Variants in MAGI1 observed in about 807,000 individuals in gnomAD.
MAGI1 encodes membrane associated guanylate kinase, WW and PDZ domain containing 1.
Under a neutral mutation model 139.9 loss-of-function variants are expected in MAGI1, and 58 were observed. That is an observed-to-expected ratio of 0.41 (90% confidence interval 0.34 to 0.52). The LOEUF is 0.52. Among genes scored for constraint, MAGI1 ranks in the 20% least tolerant of loss-of-function variants. MAGI1 has a pLI of 0.12. For synonymous variants in MAGI1, 812 were observed against 737.9 expected (o/e 1.10, Z -1.63); for missense variants, 1,874 against 1,901.6 (o/e 0.99, Z 0.27).
chr3:65,815,121 T>G (rs965341558), intron 1 of MAGI1, among the ~76,000 whole-genome samples: 2 of 152,138 alleles, frequency 1.3e-5, no homozygotes, highest in African/African-American at 4.8e-5. Flanking sequence ...TCGTATCTGC[T>G]CTCTCCCTGC....
intron 1 of MAGI1, among the ~76,000 whole-genome samples, chr3:65,979,096 C>CG (rs1553742308): frequency 3.3e-5 from 2 of 60,462 alleles, no homozygotes; most frequent in African/African-American, 4.4e-5. Context: ...CTTCCCCCCC[C>CG]CCGCCACCCC....
chr3:65,729,347 C>G (rs916261391), intron 1 of MAGI1, among the ~76,000 whole-genome samples: 3 of 152,148 alleles, frequency 2.0e-5, no homozygotes, highest in Admixed American at 2.0e-4. Flanking sequence ...TTCTCAATGA[C>G]TTCAGCTAAC....
intron 1 of MAGI1, among the ~76,000 whole-genome samples, chr3:65,882,982 G>T (rs1208569591): frequency 6.6e-6 from 1 of 151,342 alleles, no homozygotes; most frequent in Non-Finnish European, 1.5e-5. Context: ...AAGGGAAAAG[G>T]GAAGAGAAAG....
intron 1 of MAGI1, among the ~76,000 whole-genome samples, chr3:65,914,540 A>G (rs952794108): frequency 6.6e-6 from 1 of 152,230 alleles, no homozygotes; most frequent in Non-Finnish European, 1.5e-5. Context: ...CAATTCAATT[A>G]AAACACAGTG....
chr3:65,466,009 C>T (rs1025348854), intron 5 of MAGI1, among the ~76,000 whole-genome samples: 4 of 152,172 alleles, frequency 2.6e-5, no homozygotes, highest in Non-Finnish European at 4.4e-5. Context: ...CTCTCTTCTG[C>T]TGTTGAATCC....
chr3:65,922,544 C>A (rs971297592), intron 1 of MAGI1, among the ~76,000 whole-genome samples: 1 of 152,146 alleles, frequency 6.6e-6, no homozygotes, highest in Non-Finnish European at 1.5e-5. Context: ...TAGAAAGAGA[C>A]AAGGAAGGCA....
At chr3:65,912,294 G>A (rs1272816044) in intron 1 of MAGI1, among the ~76,000 whole-genome samples, 1 of 150,582 alleles carries the variant, frequency 6.6e-6, no homozygotes, top group Admixed American at 6.6e-5. Flanking sequence ...TTCTCGCACT[G>A]TAGAATTTCT....
chr3:65,954,980 A>G (rs1251197743), intron 1 of MAGI1, among the ~76,000 whole-genome samples: 1 of 151,332 alleles, frequency 6.6e-6, no homozygotes, highest in Non-Finnish European at 1.5e-5. Context: ...AGACTTAGAA[A>G]AATGAAGGAA....
chr3:65,948,267 T>C (rs919374212), intron 1 of MAGI1, among the ~76,000 whole-genome samples: 15 of 152,184 alleles, frequency 9.9e-5, no homozygotes, highest in Non-Finnish European at 2.2e-4. Flanking sequence ...TTAAAAATAA[T>C]TGCTGCTAGC....
intron 1 of MAGI1, among the ~76,000 whole-genome samples, chr3:65,929,664 T>C (rs2062699871): frequency 6.6e-6 from 1 of 151,886 alleles, no homozygotes; most frequent in South Asian, 2.1e-4. Context: ...AATTCAACAA[T>C]GCAATCCACA....
At chr3:65,549,425 GC>G in intron 2 of MAGI1, 12 of 985,036 alleles carry the variant, frequency 1.2e-5, no homozygotes, top group Non-Finnish European at 1.4e-5. Context: ...CCCCGGAGCG[GC>G]CCCGGAGTTC....
intron 1 of MAGI1, among the ~76,000 whole-genome samples, chr3:65,732,958 C>T (rs963384234): frequency 6.6e-6 from 1 of 152,182 alleles, no homozygotes; most frequent in Non-Finnish European, 1.5e-5. Flanking sequence ...AATCTCCTGC[C>T]CCATTAATGG....
intron 18 of MAGI1, among the ~76,000 whole-genome samples, chr3:65,369,524 T>C (rs189265068): frequency 1.3e-5 from 2 of 150,760 alleles, no homozygotes; most frequent in Non-Finnish European, 1.5e-5. Flanking sequence ...TTTTTTTTTT[T>C]TCTGGAGACA....
chr3:66,008,399 TCTC>T (rs1165294066), intron 1 of MAGI1, among the ~76,000 whole-genome samples: 6 of 152,096 alleles, frequency 3.9e-5, no homozygotes, highest in Non-Finnish European at 5.9e-5. Flanking sequence ...CTTTTCCTCA[TCTC>T]CTCCTCCATT....
Position 65,429,576 on chromosome 3 carries a change from T to G in MAGI1, c.2111A>C (p.Asp704Ala), listed in dbSNP as rs766377026. 6.2e-7 allele frequency: 1 copy of G among 1,613,930 alleles called. No homozygotes were observed. Among genetic ancestry groups the G allele is most frequent in the Non-Finnish European group, 8.5e-7 (1 of 1,179,900 alleles). The change falls in exon 12 of 23, where the codon GAT becomes GCT. Residue 704 changes from aspartate to alanine, a missense_variant. By Grantham distance (126) the Asp-to-Ala change is moderately radical (BLOSUM62 -2). Transcript: ENST00000402939. ...TCCCTTAGGACACTCAACCAGCATATCCACCACTTGGTTGTGAGTTAGGGC... is the reference window on the plus strand; with the variant it reads ...TCCCTTAGGACACTCAACCAGCATAGCCACCACTTGGTTGTGAGTTAGGGC... Reference protein sequence around the residue: ...VQALTHNQVVDMLVECPKGSE... With the variant: ...VQALTHNQVVAMLVECPKGSE...
chr3:65,817,837 A>G (rs1482278209), intron 1 of MAGI1, among the ~76,000 whole-genome samples: 1 of 152,226 alleles, frequency 6.6e-6, no homozygotes, highest in Admixed American at 6.5e-5. Context: ...AGCTAATGAC[A>G]TTGCAAATGT....
chr3:65,587,479 C>CTTTTTTTTT (rs755825684), intron 2 of MAGI1, among the ~76,000 whole-genome samples: 42 of 109,518 alleles, frequency 3.8e-4, no homozygotes, highest in African/African-American at 7.4e-4. Context: ...TTACTTTTTT[C>CTTTTTTTTT]TTTTTTTTTT....
chr3:65,945,048 T>C (rs186129266), intron 1 of MAGI1, among the ~76,000 whole-genome samples: 103 of 152,214 alleles, frequency 6.8e-4, no homozygotes, highest in African/African-American at 9.6e-5. Flanking sequence ...AACAAGGAAA[T>C]TGGAAACAAG....
intron 1 of MAGI1, among the ~76,000 whole-genome samples, chr3:66,019,982 C>T (rs577673137): frequency 1.3e-5 from 2 of 152,302 alleles, no homozygotes; most frequent in East Asian, 1.9e-4. Flanking sequence ...ACTGACCCCA[C>T]CCGTTACTGC....
Sources: gnomAD v4.1 joint callset for allele counts (sites outside exome capture counted in the v4.1 genomes callset) on GRCh38, gnomAD v4.1.1 for gene constraint, MANE v1.5 for transcripts, NCBI Gene and HGNC (gene_info 2026-07-23, HGNC 2026-07-21) for gene names.